Variants in CDK14 observed in about 807,000 individuals in gnomAD.
The protein encoded by CDK14 is cyclin-dependent kinase 14.
Under a neutral mutation model 60.7 loss-of-function variants are expected in CDK14, and 34 were observed. That is an observed-to-expected ratio of 0.56 (90% CI 0.43 to 0.75). CDK14 has a LOEUF of 0.75. Among genes scored for constraint, CDK14 ranks in the 30% least tolerant of loss-of-function variants. The probability of loss-of-function intolerance (pLI) is 0.00; values close to 1 mark genes in which losing one functional copy is unlikely to be tolerated. For synonymous variants in CDK14, 197 were observed against 203.7 expected (o/e 0.97, Z 0.28); for missense variants, 482 against 564.1 (o/e 0.85, Z 1.47).
rs189514446 is a variant in CDK14, at chr7:90,789,496, A to C, written c.465-1077A>C. 2.2e-3 allele frequency among the ~76,000 whole-genome samples: 335 copies of C among 152,254 alleles called. 2 individuals are homozygous for C. Among genetic ancestry groups the C allele is most frequent in the African/African-American group, 7.4e-3 (309 of 41,552 alleles). ...ATTTGGATTGAAAATAATTGGGAAA[A>C]AAGACATAATATAACAATTAAAATG... On this transcript the variant is annotated intron_variant, in intron 4 of 14. Transcript: ENST00000380050.
rs368251320 is a variant in CDK14, at chr7:90,928,484, T to A, written c.826+10760T>A. Among the ~76,000 whole-genome samples, 9 of 152,200 alleles carry A rather than the reference T, an allele frequency of 5.9e-5. No individual in the cohort carries two copies. In the East Asian group the frequency reaches 1.4e-3, roughly 23 times the overall value. Reference sequence around the variant, plus strand: ...CAGGTCTGTTGGAGTTTGCTGGAGGTCCACTCCAGACCCTGTTTGCCTGGG... The same window carrying A: ...CAGGTCTGTTGGAGTTTGCTGGAGGACCACTCCAGACCCTGTTTGCCTGGG... On this transcript the variant is annotated intron_variant, in intron 8 of 14. Coordinates refer to ENST00000380050, the MANE Select transcript of CDK14 (RefSeq NM_001287135.2).
chr7:91,008,969 T>C (rs1472793826), intron 10 of CDK14, among the ~76,000 whole-genome samples: 1 of 152,060 alleles, frequency 6.6e-6, no homozygotes, highest in Non-Finnish European at 1.5e-5. Context: ...CTATCCATCA[T>C]TCCCCCTCAA....
intron 2 of CDK14, among the ~76,000 whole-genome samples, chr7:90,697,038 G>A (rs959720856): frequency 1.3e-5 from 2 of 152,082 alleles, no homozygotes; most frequent in Non-Finnish European, 2.9e-5. Flanking sequence ...GGAGTGGAGA[G>A]GATAGAAATC....
chr7:90,964,054 T>A (rs1794683935), intron 9 of CDK14, among the ~76,000 whole-genome samples: 1 of 152,162 alleles, frequency 6.6e-6, no homozygotes, highest in Non-Finnish European at 1.5e-5. Flanking sequence ...ATTACATAAT[T>A]GTTTTATGAT....
chr7:90,677,889 C>T lies in CDK14; in HGVS notation c.124-48678C>T, dbSNP rs148717664. 2.9e-3 allele frequency among the ~76,000 whole-genome samples: 442 copies of T among 152,220 alleles called. 6 individuals carry two copies. The highest frequency in any genetic ancestry group is 0.01 in the African/African-American group (425 of 41,526). The stretch of plus-strand genomic sequence containing the variant: ...CTTAGTGCCCTGCTCTAGGGCATGT[C>T]GTTTCTTTAGGCTGTCAGGAATGGG... On this transcript the variant is annotated intron_variant, in intron 2 of 14. Coordinates refer to ENST00000380050, the MANE Select transcript of CDK14 (RefSeq NM_001287135.2).
At chr7:90,706,570 T>C (rs1435855388) in intron 2 of CDK14, among the ~76,000 whole-genome samples, 2 of 151,962 alleles carry the variant, frequency 1.3e-5, no homozygotes, top group African/African-American at 4.8e-5. Context: ...AAAAACAGTG[T>C]AATGTGATAG....
chr7:90,637,415 G>A (rs1208431232), intron 2 of CDK14, among the ~76,000 whole-genome samples: 1 of 152,104 alleles, frequency 6.6e-6, no homozygotes, highest in East Asian at 1.9e-4. Context: ...TCAGGAGCAG[G>A]TTGTTCAGTT....
At chr7:90,890,245 T>C (rs965214607) in intron 6 of CDK14, among the ~76,000 whole-genome samples, 3 of 152,144 alleles carry the variant, frequency 2.0e-5, no homozygotes, top group Admixed American at 1.3e-4. Context: ...TAGTGGCACA[T>C]GCCTGTAGTC....
intron 12 of CDK14, among the ~76,000 whole-genome samples, chr7:91,099,943 T>A (rs1341219817): frequency 6.6e-6 from 1 of 152,166 alleles, no homozygotes; most frequent in East Asian, 1.9e-4. Flanking sequence ...ATTATAAAGG[T>A]CAGTTATTGT....
chr7:90,897,871 CAG>C (rs1792386442), intron 6 of CDK14, among the ~76,000 whole-genome samples: 1 of 151,986 alleles, frequency 6.6e-6, no homozygotes, highest in Non-Finnish European at 1.5e-5. Flanking sequence ...TTGCCTGGAC[CAG>C]AGAGAGAATA....
chr7:91,122,583 C>G (rs1406600642), intron 14 of CDK14, among the ~76,000 whole-genome samples: 3 of 152,184 alleles, frequency 2.0e-5, no homozygotes, highest in African/African-American at 7.2e-5. Context: ...TTGCTCTCCT[C>G]CATGCTGTGA....
Position 90,986,514 on chromosome 7 carries a change from A to G in CDK14, c.1041+2273A>G, listed in dbSNP as rs1795376026. ...TTCCTATCCACGATTAAATTATTCA[A>G]TTTTATGGCTGTTAGCATAAATGTA... On this transcript the variant is annotated intron_variant, in intron 10 of 14. Transcript: ENST00000380050. 3.3e-5 allele frequency among the ~76,000 whole-genome samples: 5 copies of G among 152,200 alleles called. No individual in the cohort carries two copies. In the South Asian group the frequency reaches 8.3e-4, roughly 25 times the overall value.
At chr7:90,629,008 G>T (rs1799936005) in intron 2 of CDK14, among the ~76,000 whole-genome samples, 1 of 151,904 alleles carries the variant, frequency 6.6e-6, no homozygotes, top group African/African-American at 2.4e-5. Flanking sequence ...TCTTATACCA[G>T]CCTGCAGCAA....
intron 6 of CDK14, among the ~76,000 whole-genome samples, chr7:90,886,333 T>C: frequency 6.6e-6 from 1 of 152,204 alleles, no homozygotes; most frequent in Non-Finnish European, 1.5e-5. Context: ...ATGCCAAGCC[T>C]ACTAATTTGT....
chr7:91,151,860 A>G (rs988579718), intron 14 of CDK14, among the ~76,000 whole-genome samples: 5 of 152,206 alleles, frequency 3.3e-5, no homozygotes, highest in Non-Finnish European at 7.3e-5. Flanking sequence ...ATGTAATGTT[A>G]TAGCCCATCA....
intron 14 of CDK14, among the ~76,000 whole-genome samples, chr7:91,162,622 G>A (rs1043951525): frequency 6.6e-6 from 1 of 152,204 alleles, no homozygotes; most frequent in African/African-American, 2.4e-5. Flanking sequence ...CCCAGGCTTA[G>A]TACTTACTGA....
intron 10 of CDK14, among the ~76,000 whole-genome samples, chr7:91,025,050 ACTG>A (rs1796535426): frequency 6.6e-6 from 1 of 152,194 alleles, no homozygotes; most frequent in Non-Finnish European, 1.5e-5. Flanking sequence ...TGTTTGCTCA[ACTG>A]CTTTGAGACA....
intron 10 of CDK14, among the ~76,000 whole-genome samples, chr7:91,008,616 AGT>A (rs1256828506): frequency 1.3e-5 from 2 of 152,004 alleles, no homozygotes; most frequent in African/African-American, 4.8e-5. Context: ...TATCAAAGTG[AGT>A]GGGGGAGAAT....
intron 14 of CDK14, among the ~76,000 whole-genome samples, chr7:91,144,973 T>C (rs148392497): frequency 0.021 from 3,161 of 152,248 alleles, 105 homozygotes; most frequent in African/African-American, 0.07. Context: ...TCCTAAGGAT[T>C]TGAACACTCA....
Sources: allele counts gnomAD v4.1 joint callset (sites outside exome capture counted in the v4.1 genomes callset), GRCh38; gene constraint gnomAD v4.1.1; transcripts MANE v1.5; gene names NCBI Gene and HGNC (gene_info 2026-07-23, HGNC 2026-07-21).